Variants in EPS8 observed in about 807,000 individuals in gnomAD.
EPS8 encodes EGFR pathway substrate 8, signaling adaptor, also known as epidermal growth factor receptor kinase substrate 8.
Under a neutral mutation model 103.8 loss-of-function variants are expected in EPS8, and 42 were observed. The observed-to-expected ratio is 0.40, with a 90% CI of 0.32 to 0.52. The LOEUF is 0.52. Ranked by LOEUF, EPS8 falls within the 20% of genes least tolerant of loss-of-function variation. The pLI is 0.40. For synonymous variants in EPS8, 344 were observed against 344.6 expected (o/e 1.00, Z 0.02); for missense variants, 969 against 1,005.1 (o/e 0.96, Z 0.49).
chr12:15,643,789 T>C (rs952709348), intron 15 of EPS8, among the ~76,000 whole-genome samples: 1 of 144,590 alleles, frequency 6.9e-6, no homozygotes, highest in Non-Finnish European at 1.5e-5. Context: ...TTAACAGCTA[T>C]GGAATGTAAC....
Position 15,748,493 on chromosome 12 carries a change from A to C in EPS8, c.-22+40668T>G, listed in dbSNP as rs1030162933. Among the ~76,000 whole-genome samples the C allele has an allele frequency of 1.3e-5, 2 of 152,192 alleles. No individual in the cohort carries two copies. Among genetic ancestry groups the C allele is most frequent in the Non-Finnish European group, 2.9e-5 (2 of 68,036 alleles). On this transcript the variant is annotated intron_variant, in intron 1 of 20. Transcript: ENST00000281172. The surrounding 1 kb of genome is among the most constrained non-coding windows in gnomAD (Gnocchi z 4.8). ...GTAGGACACACAAAACTCTACAGAAACAATTTCAGTGAATTAAGTGTCTGA... is the reference window on the plus strand; with the variant it reads ...GTAGGACACACAAAACTCTACAGAACCAATTTCAGTGAATTAAGTGTCTGA...
Position 15,752,350 on chromosome 12 carries a change from G to A in EPS8, c.-22+36811C>T, listed in dbSNP as rs1365881646. Among the ~76,000 whole-genome samples the A allele has an allele frequency of 6.6e-6, 1 of 152,116 alleles. No homozygotes were observed. Among genetic ancestry groups the A allele is most frequent in the African/African-American group, 2.4e-5 (1 of 41,388 alleles). The stretch of plus-strand genomic sequence containing the variant: ...TAGTCCCAGCTACAAGGGAGGCTAA[G>A]GCAGGAGAATGGCGTGAACCCGCGA... On this transcript the variant is annotated intron_variant, in intron 1 of 20. Transcript: ENST00000281172. This position sits in a 1 kb window ranked among gnomAD's most constrained non-coding sequence, Gnocchi z 4.4.
At chr12:15,676,716 G>A (rs909958762) in intron 3 of EPS8, among the ~76,000 whole-genome samples, 1 of 152,012 alleles carries the variant, frequency 6.6e-6, no homozygotes, top group Non-Finnish European at 1.5e-5. Context: ...CAGTAGCTAA[G>A]TAAAATGTTA....
At position 15,745,317 on chromosome 12, in the gene EPS8, T is replaced by A. The variant is rs1398966914; in HGVS notation, c.-22+43844A>T. On this transcript the variant is annotated intron_variant, in intron 1 of 20. Coordinates refer to ENST00000281172, the MANE Select transcript of EPS8 (RefSeq NM_004447.6). The surrounding 1 kb of genome is among the most constrained non-coding windows in gnomAD (Gnocchi z 4.6). The stretch of plus-strand genomic sequence containing the variant: ...TGAAAAACAAAAGAACTAGAGTAGA[T>A]CAGGATAGCAAGTACATGACGTTTG... 6.6e-6 allele frequency among the ~76,000 whole-genome samples: 1 copy of A among 152,176 alleles called. No individual in the cohort carries two copies. The highest frequency in any genetic ancestry group is 1.5e-5 in the Non-Finnish European group (1 of 68,036).
intron 17 of EPS8, among the ~76,000 whole-genome samples, chr12:15,637,911 T>C (rs549666630): frequency 1.2e-4 from 18 of 152,308 alleles, no homozygotes; most frequent in African/African-American, 3.8e-4. Context: ...CTTTCTATTG[T>C]TCTTTTTACC....
rs1946941365 is a variant in EPS8 at position 15,752,310 on chromosome 12, G to T, written c.-22+36851C>A. ...AAAATACAAAAAATTAGCCAGGTGT[G>T]GTGGCGGGTGCCTGTAGTCCCAGCT... On this transcript the variant is annotated intron_variant, in intron 1 of 20. Transcript: ENST00000281172. The surrounding 1 kb of genome is among the most constrained non-coding windows in gnomAD (Gnocchi z 4.4). Among the ~76,000 whole-genome samples the T allele has an allele frequency of 6.6e-6, 1 of 152,038 alleles. No individual in the cohort carries two copies. The highest frequency in any genetic ancestry group is 1.5e-5 in the Non-Finnish European group (1 of 67,986).
In EPS8 at chr12:15,696,320, A is replaced by G. The variant is rs1005228212; in HGVS notation, c.-21-13348T>C. Among the ~76,000 whole-genome samples, 1 of 152,106 alleles carries G rather than the reference A, an allele frequency of 6.6e-6. No individual in the cohort carries two copies. The highest frequency in any genetic ancestry group is 2.4e-5 in the African/African-American group (1 of 41,432). ...AATAAAACAGTAAAATCTATAAAAC[A>G]CTAACTTTAGAGACTTTCCAAGTTT... On this transcript the variant is annotated intron_variant, in intron 1 of 20. Transcript: ENST00000281172. The surrounding 1 kb of genome is among the most constrained non-coding windows in gnomAD (Gnocchi z 4.8).
In EPS8 at chr12:15,683,185, A is replaced by G. The variant is rs146874631; in HGVS notation, c.-21-213T>C. 159 of 347,860 alleles carry G rather than the reference A, an allele frequency of 4.6e-4. No homozygotes were observed. The East Asian group carries it at 7.5e-3, about 16-fold the overall frequency. 21.5% of individuals were successfully genotyped at this position (347,860 alleles called of 1,614,324 possible). On this transcript the variant is annotated intron_variant, in intron 1 of 20. Coordinates refer to ENST00000281172, the MANE Select transcript of EPS8 (RefSeq NM_004447.6). ...TGGCATTTAAAATTAATATGCTAAA[A>G]TTATAAGCAGATTTAGGTGAACAAA...
At position 15,683,078 on chromosome 12, in the gene EPS8, T is replaced by C. The variant is rs1023403144; in HGVS notation, c.-21-106A>G. 6 of 566,944 alleles carry C rather than the reference T, an allele frequency of 1.1e-5. No homozygotes were observed. The Admixed American group carries it at 1.6e-4, about 15-fold the overall frequency. The allele number at this position is 566,944 out of a possible 1,614,324, so 35.1% of individuals were successfully genotyped here. On this transcript the variant is annotated intron_variant, in intron 1 of 20. Coordinates refer to ENST00000281172, the MANE Select transcript of EPS8 (RefSeq NM_004447.6). ...TATGTGTTGCTGCCAGGAATTATAG[T>C]AGAAATGCAAAGATAAAGATCTCCA...
At chr12:15,642,888 A>AGGGAC (rs1479567290) in intron 15 of EPS8, among the ~76,000 whole-genome samples, 2 of 152,210 alleles carry the variant, frequency 1.3e-5, no homozygotes, top group African/African-American at 4.8e-5. Flanking sequence ...GGAGGGAGAC[A>AGGGAC]GGGACAAAGC....
rs1041807304 is a variant in EPS8, at chr12:15,757,839, G to T, written c.-22+31322C>A. ...TCTGTAATAAATTCCTCAAAACTTA[G>T]CAGCTTAGAAGAACAATAGCGTAAG... On this transcript the variant is annotated intron_variant, in intron 1 of 20. Coordinates refer to ENST00000281172, the MANE Select transcript of EPS8 (RefSeq NM_004447.6). The surrounding 1 kb of genome is among the most constrained non-coding windows in gnomAD (Gnocchi z 4.1). Among the ~76,000 whole-genome samples, 1 of 152,150 alleles carries T rather than the reference G, an allele frequency of 6.6e-6. No individual in the cohort carries two copies. The highest frequency in any genetic ancestry group is 6.6e-5 in the Admixed American group (1 of 15,264).
intron 15 of EPS8, among the ~76,000 whole-genome samples, chr12:15,645,046 C>T (rs1306942041): frequency 6.6e-6 from 1 of 152,082 alleles, no homozygotes; most frequent in Non-Finnish European, 1.5e-5. Context: ...ATTCTGACCA[C>T]TCTAGACTAT....
intron 1 of EPS8, among the ~76,000 whole-genome samples, chr12:15,732,580 A>G (rs1591905214): frequency 6.6e-6 from 1 of 152,188 alleles, no homozygotes; most frequent in African/African-American, 2.4e-5. Flanking sequence ...TCCTACACTC[A>G]CTATCTACAT....
At chr12:15,773,507 G>A (rs918839039) in intron 1 of EPS8, among the ~76,000 whole-genome samples, 3 of 151,606 alleles carry the variant, frequency 2.0e-5, no homozygotes, top group African/African-American at 7.3e-5. Flanking sequence ...TTTTAGAACT[G>A]TGTTTATCAG....
At chr12:15,668,877 T>A (rs1028369621) in intron 6 of EPS8, among the ~76,000 whole-genome samples, 2 of 152,142 alleles carry the variant, frequency 1.3e-5, no homozygotes, top group African/African-American at 4.8e-5. Flanking sequence ...ATCTACACTT[T>A]AAAAAAATAA....
At chr12:15,633,798 G>A (rs535808691) in intron 17 of EPS8, among the ~76,000 whole-genome samples, 10 of 152,018 alleles carry the variant, frequency 6.6e-5, no homozygotes, top group East Asian at 1.9e-4. Flanking sequence ...TCCTTGAATC[G>A]TGACAACTGG....
At chr12:15,678,480 CTA>C (rs2135876441) in intron 3 of EPS8, among the ~76,000 whole-genome samples, 1 of 152,284 alleles carries the variant, frequency 6.6e-6, no homozygotes, top group Non-Finnish European at 1.5e-5. Flanking sequence ...CCATTTATTT[CTA>C]TCTCATTGTA....
At chr12:15,742,906 G>A (rs1946839695) in intron 1 of EPS8, among the ~76,000 whole-genome samples, 1 of 152,088 alleles carries the variant, frequency 6.6e-6, no homozygotes, top group African/African-American at 2.4e-5. Flanking sequence ...TGAAAGTTCT[G>A]GCCAGGGCAA....
rs901810805 is a variant in EPS8 at position 15,747,583 on chromosome 12, G to A, written c.-22+41578C>T. ...GCAAATGATCAAAAAAGTAACTTGGGGGGAGCCCAAAACATATTTTCCTTT... is the reference window on the plus strand; with the variant it reads ...GCAAATGATCAAAAAAGTAACTTGGAGGGAGCCCAAAACATATTTTCCTTT... On this transcript the variant is annotated intron_variant, in intron 1 of 20. Coordinates refer to ENST00000281172, the MANE Select transcript of EPS8 (RefSeq NM_004447.6). The surrounding 1 kb of genome is among the most constrained non-coding windows in gnomAD (Gnocchi z 4.4). 1.3e-5 allele frequency among the ~76,000 whole-genome samples: 2 copies of A among 152,108 alleles called. No homozygotes were observed. The highest frequency in any genetic ancestry group is 4.8e-5 in the African/African-American group (2 of 41,384).
Sources: allele counts gnomAD v4.1 joint callset (sites outside exome capture counted in the v4.1 genomes callset), GRCh38; gene constraint gnomAD v4.1.1; non-coding constraint Gnocchi (gnomAD v3.1); transcripts MANE v1.5; gene names NCBI Gene and HGNC (gene_info 2026-07-23, HGNC 2026-07-21).